The following BICDL1 variants were observed in gnomAD, a reference collection of about 807,000 sequenced individuals.
BICDL1 encodes the protein BICD family like cargo adaptor 1.
Under a neutral mutation model 76.8 loss-of-function variants are expected in BICDL1, and 20 were observed. The ratio of observed to expected loss-of-function variants is 0.26; its 90% CI spans 0.18 to 0.38. BICDL1 has a LOEUF of 0.38. Among genes scored for constraint, BICDL1 ranks in the 10% least tolerant of loss-of-function variants. BICDL1 has a pLI of 1.00. For synonymous variants in BICDL1, 383 were observed against 337.1 expected (o/e 1.14, Z -1.49); for missense variants, 700 against 798.6 (o/e 0.88, Z 1.49).
intron 2 of BICDL1, among the ~76,000 whole-genome samples, chr12:120,044,143 G>A (rs1327562570): frequency 6.6e-6 from 1 of 152,192 alleles, no homozygotes; most frequent in Non-Finnish European, 1.5e-5. Flanking sequence ...GCCATACTGT[G>A]ATTAATAGTC....
At chr12:120,057,818 C>CCTTTTTT (rs1953008680) in intron 2 of BICDL1, among the ~76,000 whole-genome samples, 9 of 78,324 alleles carry the variant, frequency 1.1e-4, no homozygotes, top group African/African-American at 5.1e-4. Context: ...GCGATTCCTG[C>CCTTTTTT]TTTTTTTTTT....
chr12:120,080,396 C>T (rs1375967612), intron 7 of BICDL1, among the ~76,000 whole-genome samples: 6 of 152,130 alleles, frequency 3.9e-5, no homozygotes, highest in Non-Finnish European at 7.3e-5. Flanking sequence ...GGAACTAAAG[C>T]GAGCTGGGCT....
intron 2 of BICDL1, among the ~76,000 whole-genome samples, chr12:120,050,797 G>A (rs1266668538): frequency 6.6e-6 from 1 of 151,670 alleles, no homozygotes; most frequent in Non-Finnish European, 1.5e-5. Context: ...TGTGTGCCAC[G>A]CACAGCTAAT....
At chr12:120,061,915 C>A in intron 3 of BICDL1, 89 bp downstream of exon 3, 1 of 813,936 alleles carries the variant, frequency 1.2e-6, no homozygotes, top group South Asian at 1.5e-5. Context: ...GGCCTAAAAT[C>A]TCTACAGAAA....
chr12:120,013,824 A>G (rs2138677926), intron 2 of BICDL1, among the ~76,000 whole-genome samples: 1 of 152,308 alleles, frequency 6.6e-6, no homozygotes, highest in East Asian at 1.9e-4. Flanking sequence ...GGATCCAGAA[A>G]AGTCTCATTG....
intron 2 of BICDL1, among the ~76,000 whole-genome samples, chr12:120,044,849 C>T (rs921540535): frequency 3.9e-5 from 6 of 152,074 alleles, no homozygotes; most frequent in South Asian, 2.1e-4. Context: ...GTGATGCCTC[C>T]GGCTTTGTTC....
rs1952703726 is a variant in BICDL1 at position 120,044,358 on chromosome 12, A to C, written c.646-17352A>C. ...AAAAACACTAAAATTTTCTTTCTTT[A>C]TTAGGATTAGACGTGACTGCTCTTT... On this transcript the variant is annotated intron_variant, in intron 2 of 9. Transcript: ENST00000548673. 1.3e-5 allele frequency among the ~76,000 whole-genome samples: 2 copies of C among 152,196 alleles called. 1 individual carries two copies. The highest frequency in any genetic ancestry group is 4.1e-4 in the South Asian group (2 of 4,822).
At chr12:119,990,983 C>T (rs536752055) in intron 1 of BICDL1, among the ~76,000 whole-genome samples, 1 of 152,278 alleles carries the variant, frequency 6.6e-6, no homozygotes, top group South Asian at 2.1e-4. Flanking sequence ...CTATGAGAAC[C>T]ATATTACTTT....
chr12:120,064,599 A>G, intron 3 of BICDL1, 134 bp from the exon 4 acceptor site: 2 of 814,110 alleles, frequency 2.5e-6, no homozygotes, highest in Non-Finnish European at 3.7e-6. Flanking sequence ...CTATTCTCTC[A>G]GAGATGGGGG....
At chr12:120,078,054 C>G (rs1873700594) in intron 7 of BICDL1, among the ~76,000 whole-genome samples, 1 of 152,194 alleles carries the variant, frequency 6.6e-6, no homozygotes. Context: ...CACACCTGGG[C>G]CTTCTCCCCA....
chr12:120,082,492 G>A (rs562747140), intron 8 of BICDL1, among the ~76,000 whole-genome samples: 82 of 152,226 alleles, frequency 5.4e-4, no homozygotes, highest in Non-Finnish European at 1.0e-3. Flanking sequence ...GGGCTCAAGC[G>A]ATCCTCCTAC....
At chr12:119,996,747 A>G (rs1315841231) in intron 1 of BICDL1, among the ~76,000 whole-genome samples, 1 of 152,100 alleles carries the variant, frequency 6.6e-6, no homozygotes, top group South Asian at 2.1e-4. Context: ...CTGCATCACA[A>G]TCTCAGGAAT....
At chr12:120,061,164 A>G (rs1953096848) in intron 2 of BICDL1, among the ~76,000 whole-genome samples, 1 of 152,228 alleles carries the variant, frequency 6.6e-6, no homozygotes, top group South Asian at 2.1e-4. Context: ...GCACTCCCCA[A>G]AGAATTAAAA....
At chr12:120,069,260 C>G (rs998129448) in intron 4 of BICDL1, among the ~76,000 whole-genome samples, 2 of 152,122 alleles carry the variant, frequency 1.3e-5, no homozygotes, top group African/African-American at 2.4e-5. Context: ...TAGCTCTTTT[C>G]AAGTCTTCAG....
intron 8 of BICDL1, among the ~76,000 whole-genome samples, chr12:120,083,383 C>T (rs1024579951): frequency 1.3e-5 from 2 of 152,006 alleles, no homozygotes; most frequent in Admixed American, 6.6e-5. Flanking sequence ...CTCAGCCTCC[C>T]GAGTAGCTGG....
Position 120,074,478 on chromosome 12 carries a change from A to G in BICDL1, c.1344A>G (p.Glu448=). ...GACTTGATGATGACTCCTTAGAAGAACAGATAAGGCAGACCAGTGAGGACT... is the reference window on the plus strand; with the variant it reads ...GACTTGATGATGACTCCTTAGAAGAGCAGATAAGGCAGACCAGTGAGGACT... ...SRRLDDDSLE[E]QIRQTSEDSR... The change falls in exon 7 of 10, where the codon GAA becomes GAG. Residue 448 remains glutamate, a synonymous_variant. Transcript: ENST00000548673. 7.9e-7 allele frequency: 1 copy of G among 1,267,196 alleles called. No homozygotes were observed. Among genetic ancestry groups the G allele is most frequent in the Non-Finnish European group, 1.0e-6 (1 of 979,520 alleles). The allele number at this position is 1,267,196 out of a possible 1,614,324, so 78.5% of individuals were successfully genotyped here. A position where few individuals can be genotyped will look rare whatever the true frequency, so the allele number is the denominator to read the frequency against.
In BICDL1 at chr12:120,030,769, T is replaced by C. The variant is rs558403178; in HGVS notation, c.646-30941T>C. 3.9e-5 allele frequency among the ~76,000 whole-genome samples: 6 copies of C among 152,334 alleles called. No individual in the cohort carries two copies. In the East Asian group the frequency reaches 1.2e-3, roughly 29 times the overall value. On this transcript the variant is annotated intron_variant, in intron 2 of 9. Coordinates refer to ENST00000548673, the MANE Select transcript of BICDL1 (RefSeq NM_001367886.1). The stretch of plus-strand genomic sequence containing the variant: ...ATACATCTCATATTCACTTTATTTT[T>C]CTTCCTTACAATACTTCAAGTTGCT...
chr12:120,080,697 A>G lies in BICDL1; in HGVS notation c.1453-190A>G, dbSNP rs1286535557. 4 of 494,606 alleles carry G rather than the reference A, an allele frequency of 8.1e-6. No homozygotes were observed. In the East Asian group the frequency reaches 1.5e-4, roughly 18 times the overall value. 30.6% of individuals were successfully genotyped at this position (494,606 alleles called of 1,614,324 possible). ...CCTTGCTGCCGAGCTCAAGCCTAGCATGTGATGTGGTACCCTTTCTTCAAG... is the reference window on the plus strand; with the variant it reads ...CCTTGCTGCCGAGCTCAAGCCTAGCGTGTGATGTGGTACCCTTTCTTCAAG... On this transcript the variant is annotated intron_variant, in intron 7 of 9. Transcript: ENST00000548673.
chr12:120,072,457 C>T lies in BICDL1; in HGVS notation c.1090-54C>T. 3.3e-6 allele frequency: 5 copies of T among 1,534,962 alleles called. No individual in the cohort carries two copies. The Admixed American group carries it at 5.1e-5, about 16-fold the overall frequency. On this transcript the variant is annotated intron_variant, in intron 5 of 9. Coordinates refer to ENST00000548673, the MANE Select transcript of BICDL1 (RefSeq NM_001367886.1). ...GGGTTCAGAGCTAGAAAAAGATGGCCAGGTAGCAGTCTTCTCTAGAGTCTG... is the reference window on the plus strand; with the variant it reads ...GGGTTCAGAGCTAGAAAAAGATGGCTAGGTAGCAGTCTTCTCTAGAGTCTG...
Sources: allele counts gnomAD v4.1 joint callset (sites outside exome capture counted in the v4.1 genomes callset), GRCh38; gene constraint gnomAD v4.1.1; transcripts MANE v1.5; gene names NCBI Gene and HGNC (gene_info 2026-07-23, HGNC 2026-07-21).